PTGER3: variants seen among roughly 807,000 people sequenced by gnomAD.
PTGER3 encodes the protein prostaglandin E2 receptor EP3 subtype.
Under a neutral mutation model 34.7 loss-of-function variants are expected in PTGER3, and 22 were observed. The observed-to-expected ratio is 0.63, with a 90% CI of 0.45 to 0.91. The LOEUF is 0.91. Ranked by LOEUF, PTGER3 falls within the 40% of genes least tolerant of loss-of-function variation. The pLI, the probability that PTGER3 is intolerant of heterozygous loss-of-function variation, is 0.00. For missense variants in PTGER3, 468 were observed against 519.4 expected (o/e 0.90, Z 0.96); for synonymous variants, 241 against 230.1 (o/e 1.05, Z -0.43).
chr1:70,879,984 T>C (rs1042257849), intron 4 of PTGER3, among the ~76,000 whole-genome samples: 4 of 152,000 alleles, frequency 2.6e-5, no homozygotes, highest in Admixed American at 2.6e-4. Context: ...TCCCAGCTAC[T>C]TGGGAGGCTG....
At chr1:71,043,807 G>GTT (rs376878455) in intron 1 of PTGER3, among the ~76,000 whole-genome samples, 6 of 145,984 alleles carry the variant, frequency 4.1e-5, no homozygotes, top group Admixed American at 1.4e-4. Context: ...GATATTTGGA[G>GTT]TTTTTTTTTT....
At chr1:71,011,832 A>G in intron 2 of PTGER3, 1 of 1,000,310 alleles carries the variant, frequency 1.0e-6, no homozygotes, top group Non-Finnish European at 1.2e-6. Context: ...TTGAATAAAA[A>G]CAAACTGCTA....
At chr1:70,927,549 C>T (rs1412403152) in intron 4 of PTGER3, among the ~76,000 whole-genome samples, 1 of 152,090 alleles carries the variant, frequency 6.6e-6, no homozygotes, top group Non-Finnish European at 1.5e-5. Context: ...GCTTGTTCAG[C>T]CACATTTAGA....
chr1:71,041,916 T>C (rs1246964355), intron 1 of PTGER3, among the ~76,000 whole-genome samples: 1 of 152,188 alleles, frequency 6.6e-6, no homozygotes, highest in Non-Finnish European at 1.5e-5. Flanking sequence ...ATCCCTCACC[T>C]ACCACCCCTC....
chr1:70,945,596 G>T (rs1425850311), intron 4 of PTGER3, among the ~76,000 whole-genome samples: 1 of 152,056 alleles, frequency 6.6e-6, no homozygotes, highest in African/African-American at 2.4e-5. Flanking sequence ...AGACTGAACA[G>T]ATCTAGCTAT....
At chr1:70,902,373 G>T (rs1646859101) in intron 4 of PTGER3, among the ~76,000 whole-genome samples, 1 of 152,178 alleles carries the variant, frequency 6.6e-6, no homozygotes, top group African/African-American at 2.4e-5. Flanking sequence ...CTGCTGAAAA[G>T]GTACCACATG....
chr1:70,926,748 T>C (rs1463900041), intron 4 of PTGER3, among the ~76,000 whole-genome samples: 2 of 151,978 alleles, frequency 1.3e-5, no homozygotes, highest in Non-Finnish European at 2.9e-5. Flanking sequence ...AGGGCATCCC[T>C]GTCTTGTGCC....
chr1:70,934,752 T>G (rs1649045029), intron 4 of PTGER3, among the ~76,000 whole-genome samples: 1 of 152,144 alleles, frequency 6.6e-6, no homozygotes, highest in South Asian at 2.1e-4. Context: ...ATAAGATGAT[T>G]TATCATTTCA....
chr1:70,941,203 G>T (rs552669789), intron 4 of PTGER3, among the ~76,000 whole-genome samples: 27 of 152,230 alleles, frequency 1.8e-4, no homozygotes, highest in Non-Finnish European at 3.2e-4. Flanking sequence ...ATGATTTTCT[G>T]TTTTATGAAT....
intron 1 of PTGER3, among the ~76,000 whole-genome samples, chr1:71,034,067 G>A (rs1373089169): frequency 6.6e-6 from 1 of 151,958 alleles, no homozygotes; most frequent in East Asian, 1.9e-4. Flanking sequence ...TCTGTATCTG[G>A]ATTCTTTATC....
intron 1 of PTGER3, among the ~76,000 whole-genome samples, chr1:71,024,577 A>G (rs899588697): frequency 4.0e-5 from 6 of 151,022 alleles, no homozygotes. Context: ...CATCCTGCCC[A>G]TTTGGGGGTA....
At chr1:70,935,596 A>G (rs1480561601) in intron 4 of PTGER3, among the ~76,000 whole-genome samples, 1 of 151,184 alleles carries the variant, frequency 6.6e-6, no homozygotes, top group African/African-American at 2.4e-5. Context: ...TACTTAACAA[A>G]TATTTTACAA....
intron 4 of PTGER3, among the ~76,000 whole-genome samples, chr1:70,868,160 C>T (rs879586983): frequency 3.3e-5 from 5 of 151,880 alleles, no homozygotes; most frequent in Admixed American, 1.3e-4. Context: ...CACCCAGTCC[C>T]GTTTTTCCTA....
intron 1 of PTGER3, among the ~76,000 whole-genome samples, chr1:71,042,879 A>G (rs532265166): frequency 6.6e-6 from 1 of 152,238 alleles, no homozygotes; most frequent in Non-Finnish European, 1.5e-5. Flanking sequence ...TCAAGATTAA[A>G]GGCAAAAGTT....
At chr1:70,915,364 T>C (rs1647152011) in intron 4 of PTGER3, among the ~76,000 whole-genome samples, 1 of 151,702 alleles carries the variant, frequency 6.6e-6, no homozygotes. Flanking sequence ...CATGGAGAGT[T>C]TGGAAAGGAA....
intron 4 of PTGER3, among the ~76,000 whole-genome samples, chr1:70,895,155 A>T (rs1646698706): frequency 6.6e-6 from 1 of 152,220 alleles, no homozygotes; most frequent in African/African-American, 2.4e-5. Context: ...AAAAGAAATG[A>T]CAAATAGGAG....
rs1479266371 is a variant in PTGER3, at chr1:70,981,316, CTTTCTTCTTTCTTTCTTTCT to C, written c.1078-6948_1078-6929del. Among the ~76,000 whole-genome samples, 246 of 60,634 alleles carry C rather than the reference CTTTCTTCTTTCTTTCTTTCT, an allele frequency of 4.1e-3. 7 individuals carry two copies. The highest frequency in any genetic ancestry group is 0.015 in the African/African-American group (235 of 15,326). 39.8% of individuals were successfully genotyped at this position (60,634 alleles called of 152,430 possible). Reference sequence around the variant, plus strand: ...TCTTCCTTCCTTCCTTCCTTCCTTCCTTTCTTCTTTCTTTCTTTCTTTCTTTCTTTCTTTCTTTCTTTCTT... The same window carrying C: ...TCTTCCTTCCTTCCTTCCTTCCTTCCTTCTTTCTTTCTTTCTTTCTTTCTT... On this transcript the variant is annotated intron_variant, in intron 2 of 3. Transcript: ENST00000306666.
chr1:70,970,946 G>C lies in PTGER3; in HGVS notation c.*784C>G, dbSNP rs1653014986. On this transcript the variant is annotated 3_prime_UTR_variant, in exon 4 of 4. Transcript: ENST00000306666. ...ATTAAGAAATCCTGACTTGGTCATG[G>C]TGAATCAGAAGGCCTACCTGGATTT... 10 of 985,384 alleles carry C rather than the reference G, an allele frequency of 1.0e-5. No individual in the cohort carries two copies. Among genetic ancestry groups the C allele is most frequent in the Non-Finnish European group, 1.2e-5 (10 of 829,924 alleles). The allele number at this position is 985,384 out of a possible 1,614,324, so 61.0% of individuals were successfully genotyped here.
At chr1:70,871,136 G>T (rs1249646885) in intron 4 of PTGER3, among the ~76,000 whole-genome samples, 1 of 152,126 alleles carries the variant, frequency 6.6e-6, no homozygotes, top group Non-Finnish European at 1.5e-5. Context: ...GGTTCTGCAG[G>T]TCACACAAGC....
Sources: gnomAD v4.1 joint callset for allele counts (sites outside exome capture counted in the v4.1 genomes callset) on GRCh38, gnomAD v4.1.1 for gene constraint, MANE v1.5 for transcripts, NCBI Gene and HGNC (gene_info 2026-07-23, HGNC 2026-07-21) for gene names.